MELK: variants seen among roughly 807,000 people sequenced by gnomAD.
MELK encodes the protein maternal embryonic leucine zipper kinase, also known as pEg3 kinase.
In MELK, 81 loss-of-function variants were observed where a neutral mutation model predicts 85.0. That is an observed-to-expected ratio of 0.95 (90% CI 0.80 to 1.15). The LOEUF (loss-of-function observed/expected upper bound fraction) is 1.15, where lower values mean the gene tolerates loss of function less well. Ranked by LOEUF, MELK falls within the 50% of genes most tolerant of loss-of-function variation. MELK has a pLI of 0.00. For synonymous variants in MELK, 252 were observed against 265.0 expected (o/e 0.95, Z 0.48); for missense variants, 754 against 777.5 (o/e 0.97, Z 0.36).
At chr9:36,628,863 C>CTTT (rs869033969) in intron 8 of MELK, among the ~76,000 whole-genome samples, 26 of 127,894 alleles carry the variant, frequency 2.0e-4, no homozygotes, top group East Asian at 4.4e-4. Flanking sequence ...TTTGTATTTT[C>CTTT]TTTTTTTTTT....
At chr9:36,595,284 T>C (rs10814407) in intron 5 of MELK, among the ~76,000 whole-genome samples, 34,342 of 151,846 alleles carry the variant, frequency 0.23, 6,314 homozygotes, top group African/African-American at 0.51. Flanking sequence ...TACAGGCGCC[T>C]GCCACAACAC....
chr9:36,652,376 T>G (rs1430560712), intron 12 of MELK, among the ~76,000 whole-genome samples: 1 of 151,606 alleles, frequency 6.6e-6, no homozygotes, highest in Non-Finnish European at 1.5e-5. Flanking sequence ...ACATGGCATT[T>G]TACAAACCTC....
Position 36,577,194 on chromosome 9 carries a change from CT to C in MELK, c.-39+4188del, listed in dbSNP as rs1318285793. On this transcript the variant is annotated intron_variant, in intron 1 of 17. Coordinates refer to ENST00000298048, the MANE Select transcript of MELK (RefSeq NM_014791.4). ...AATTTGAAGGTAGTTTACGTGGCACCTGCCACTCATCAGTTTGAGGCTTAAA... is the reference window on the plus strand; with the variant it reads ...AATTTGAAGGTAGTTTACGTGGCACCGCCACTCATCAGTTTGAGGCTTAAA... 4.6e-5 allele frequency among the ~76,000 whole-genome samples: 7 copies of C among 152,218 alleles called. No individual in the cohort carries two copies. In the East Asian group the frequency reaches 1.2e-3, roughly 25 times the overall value.
intron 8 of MELK, among the ~76,000 whole-genome samples, chr9:36,620,590 C>T (rs1377945349): frequency 1.4e-5 from 2 of 146,960 alleles, no homozygotes; most frequent in Admixed American, 1.4e-4. Flanking sequence ...CGCTCTGTCT[C>T]CCAGGCTGGA....
intron 7 of MELK, among the ~76,000 whole-genome samples, chr9:36,599,752 T>C (rs1824716763): frequency 6.6e-6 from 1 of 152,216 alleles, no homozygotes; most frequent in African/African-American, 2.4e-5. Flanking sequence ...AGTGCCATAG[T>C]TTGGACTGGT....
chr9:36,617,944 C>T (rs1194974960), intron 8 of MELK, among the ~76,000 whole-genome samples: 1 of 151,680 alleles, frequency 6.6e-6, no homozygotes, highest in Non-Finnish European at 1.5e-5. Context: ...TGGGCAACAT[C>T]GTGAGACTCC....
intron 13 of MELK, among the ~76,000 whole-genome samples, chr9:36,657,601 TA>T (rs1831379999): frequency 6.6e-6 from 1 of 152,218 alleles, no homozygotes; most frequent in African/African-American, 2.4e-5. Flanking sequence ...TTATTATTAT[TA>T]TTTTTTGAGA....
Position 36,582,723 on chromosome 9 carries a change from G to GCT in MELK, c.59-904_59-903insCT, listed in dbSNP as rs1176121896. On this transcript the variant is annotated intron_variant, in intron 2 of 17. Coordinates refer to ENST00000298048, the MANE Select transcript of MELK (RefSeq NM_014791.4). Reference sequence around the variant, plus strand: ...AAGGTAGCCATTGATATATTTTGAGGACAGAGCTAATGGGATTTATTGATG... The same window carrying GCT: ...AAGGTAGCCATTGATATATTTTGAGGCTACAGAGCTAATGGGATTTATTGATG... Among the ~76,000 whole-genome samples, 20 of 152,230 alleles carry GCT rather than the reference G, an allele frequency of 1.3e-4. No individual in the cohort carries two copies. In the East Asian group the frequency reaches 2.5e-3, roughly 19 times the overall value.
In MELK at chr9:36,651,766, G is replaced by A. The variant is rs763439226; in HGVS notation, c.942G>A (p.Thr314=). 44 of 1,613,698 alleles carry A rather than the reference G, an allele frequency of 2.7e-5. No homozygotes were observed. Among genetic ancestry groups the A allele is most frequent in the Non-Finnish European group, 3.4e-5 (40 of 1,179,864 alleles). ...TTTAGTGGCAGTATGATCACCTCAC[G>A]GCTACCTATCTTCTGCTTCTAGCCA... is the stretch of plus-strand genomic sequence containing the variant. ...LISLWQYDHL[T]ATYLLLLAKK... The change falls in exon 12 of 18, where the codon ACG becomes ACA. Residue 314 remains threonine, a synonymous_variant. Transcript: ENST00000298048.
chr9:36,587,910 C>T lies in MELK; in HGVS notation c.145-1626C>T, dbSNP rs140466800. Among the ~76,000 whole-genome samples the T allele has an allele frequency of 9.3e-3, 1,402 of 150,656 alleles. 20 individuals carry two copies. Among genetic ancestry groups the T allele is most frequent in the Middle Eastern group, 0.066 (19 of 290 alleles). On this transcript the variant is annotated intron_variant, in intron 3 of 17. Coordinates refer to ENST00000298048, the MANE Select transcript of MELK (RefSeq NM_014791.4). ...TCAAGTAGCTGGGATTACAGGCACC[C>T]GCCACCATGCCTGGCTAATTTTTTC...
At chr9:36,575,128 G>A (rs1043387154) in intron 1 of MELK, among the ~76,000 whole-genome samples, 3 of 152,106 alleles carry the variant, frequency 2.0e-5, no homozygotes, top group African/African-American at 4.8e-5. Context: ...GCAAGACTCC[G>A]TCTCAAAAAC....
intron 12 of MELK, among the ~76,000 whole-genome samples, chr9:36,653,633 G>A (rs1426327899): frequency 6.6e-6 from 1 of 152,088 alleles, no homozygotes; most frequent in Non-Finnish European, 1.5e-5. Flanking sequence ...GATTAATTCA[G>A]GTTGCAATGT....
At chr9:36,669,742 T>C (rs780630954) in intron 15 of MELK, among the ~76,000 whole-genome samples, 2 of 152,154 alleles carry the variant, frequency 1.3e-5, no homozygotes, top group African/African-American at 4.8e-5. Flanking sequence ...CTCTAACAGA[T>C]TGTAGTCCTC....
intron 7 of MELK, among the ~76,000 whole-genome samples, chr9:36,603,386 A>G (rs1825128329): frequency 6.6e-6 from 1 of 152,004 alleles, no homozygotes; most frequent in East Asian, 1.9e-4. Context: ...TTTCTTCAGT[A>G]ATTTTTCATG....
intron 8 of MELK, among the ~76,000 whole-genome samples, chr9:36,627,084 A>ACACACG (rs1554725964): frequency 1.3e-5 from 2 of 151,622 alleles, no homozygotes; most frequent in East Asian, 3.9e-4. Flanking sequence ...ACACACACAC[A>ACACACG]CACACGCCAA....
At chr9:36,632,990 G>A (rs543008462) in intron 9 of MELK, 112 bp from the exon 10 acceptor site, 222 of 744,700 alleles carry the variant, frequency 3.0e-4, no homozygotes, top group Non-Finnish European at 2.8e-4. Flanking sequence ...CAGCATTTTT[G>A]TGATGATAAA....
intron 11 of MELK, among the ~76,000 whole-genome samples, chr9:36,645,151 G>A (rs758406474): frequency 8.6e-5 from 13 of 151,318 alleles, no homozygotes; most frequent in African/African-American, 2.4e-4. Context: ...CCAGCTACTC[G>A]GGAAGCTGAG....
At chr9:36,668,885 A>T (rs958667059) in intron 14 of MELK, among the ~76,000 whole-genome samples, 5 of 152,222 alleles carry the variant, frequency 3.3e-5, no homozygotes, top group African/African-American at 1.2e-4. Flanking sequence ...ACATGAGTTG[A>T]ATCGGGCTAT....
At chr9:36,585,302 G>GTTTTTTTTTTTT (rs869244728) in intron 3 of MELK, among the ~76,000 whole-genome samples, 2 of 77,830 alleles carry the variant, frequency 2.6e-5, no homozygotes, top group African/African-American at 1.2e-4. Flanking sequence ...ACCATTCTTT[G>GTTTTTTTTTTTT]TTTTTTTTTT....
Sources: allele counts gnomAD v4.1 joint callset (sites outside exome capture counted in the v4.1 genomes callset), GRCh38; gene constraint gnomAD v4.1.1; transcripts MANE v1.5; gene names NCBI Gene and HGNC (gene_info 2026-07-23, HGNC 2026-07-21).